KCNH8: variants seen among roughly 807,000 people sequenced by gnomAD.
KCNH8 encodes voltage-gated delayed rectifier potassium channel KCNH8.
KCNH8 carries 70 observed loss-of-function variants against 103.6 expected under a neutral mutation model. The observed-to-expected ratio is 0.68, with a 90% confidence interval of 0.56 to 0.82. KCNH8 has a LOEUF of 0.82. KCNH8 is among the 40% of genes least tolerant of loss of function. KCNH8 has a pLI of 0.00. For synonymous variants in KCNH8, 498 were observed against 489.4 expected, an observed-to-expected ratio of 1.02 and a Z score of -0.23; for missense variants, 1,217 against 1,329.9, an observed-to-expected ratio of 0.92 and a Z score of 1.32.
chr3:19,313,425 G>A lies in KCNH8; in HGVS notation c.443-29162G>A, dbSNP rs188811012. On this transcript the variant is annotated intron_variant, in intron 3 of 15. Transcript: ENST00000328405. Reference sequence around the variant, plus strand: ...TTCCAGCTACAGTATAAAATAATTGGAATATAACATTTCTAAGGCTTATTT... The same window carrying A: ...TTCCAGCTACAGTATAAAATAATTGAAATATAACATTTCTAAGGCTTATTT... 2.4e-3 allele frequency among the ~76,000 whole-genome samples: 360 copies of A among 151,854 alleles called. 5 individuals carry two copies. Among genetic ancestry groups the A allele is most frequent in the African/African-American group, 8.2e-3 (339 of 41,446 alleles).
chr3:19,337,946 T>G, intron 3 of KCNH8, among the ~76,000 whole-genome samples: 2 of 146,038 alleles, frequency 1.4e-5, no homozygotes, highest in African/African-American at 2.5e-5. Context: ...AAGAAGAGGG[T>G]GAGGGAGACA....
Position 19,395,292 on chromosome 3 carries a change from C to A in KCNH8, c.1158C>A (p.Ser386Arg), listed in dbSNP as rs746247633. 17 of 1,609,788 alleles carry A rather than the reference C, an allele frequency of 1.1e-5. No homozygotes were observed. Among genetic ancestry groups the A allele is most frequent in the Non-Finnish European group, 1.4e-5 (16 of 1,177,872 alleles). ...GAAAAATGGAGAGGGAAGACAACAGCCTTCTGAAGTGGGAAGTTGGTAAGG... is the reference window on the plus strand; with the variant it reads ...GAAAAATGGAGAGGGAAGACAACAGACTTCTGAAGTGGGAAGTTGGTAAGG... ...VIGKMEREDN[S>R]LLKWEVGWLH... Residue 386 changes from serine (S) to arginine (R), a missense_variant, in exon 7 of 16, where the codon AGC (serine) becomes AGA (arginine). Physicochemically the swap from Ser to Arg is moderately radical, Grantham distance 110 (BLOSUM62 -1). Coordinates refer to ENST00000328405, the MANE Select transcript of KCNH8 (RefSeq NM_144633.3).
Position 19,438,255 on chromosome 3 carries a change from C to T in KCNH8, c.1269C>T (p.Ala423=), listed in dbSNP as rs200024772. ...CGTCGATCCGAAGTGCCTATATTGCCGCTCTGTACTTCACGCTGAGCAGCC... is the reference window on the plus strand; with the variant it reads ...CGTCGATCCGAAGTGCCTATATTGCTGCTCTGTACTTCACGCTGAGCAGCC... The part of the protein sequence containing the change: ...GGPSIRSAYI[A]ALYFTLSSLT... The change falls in exon 8 of 16, where the codon GCC becomes GCT. Residue 423 remains alanine (A), a synonymous_variant. Coordinates refer to ENST00000328405, the MANE Select transcript of KCNH8 (RefSeq NM_144633.3). 1.9e-5 allele frequency: 31 copies of T among 1,613,960 alleles called. No individual in the cohort carries two copies. The highest frequency in any genetic ancestry group is 3.3e-5 in the Admixed American group (2 of 59,982).
At chr3:19,391,347 G>GT (rs1559304801) in intron 6 of KCNH8, among the ~76,000 whole-genome samples, 1 of 152,012 alleles carries the variant, frequency 6.6e-6, no homozygotes, top group African/African-American at 2.4e-5. Context: ...ATTCTTAAAA[G>GT]TATTAAATGC....
At chr3:19,218,248 T>G (rs2063836801) in intron 1 of KCNH8, among the ~76,000 whole-genome samples, 2 of 152,232 alleles carry the variant, frequency 1.3e-5, no homozygotes, top group Non-Finnish European at 2.9e-5. Context: ...TTAAAGTTTT[T>G]CAACTAGTTT....
intron 1 of KCNH8, among the ~76,000 whole-genome samples, chr3:19,162,930 G>A (rs889493369): frequency 2.0e-5 from 3 of 151,984 alleles, no homozygotes; most frequent in Non-Finnish European, 2.9e-5. Context: ...AAAATATCCT[G>A]TATATAGCAA....
At chr3:19,192,707 TAAAC>T (rs1327521363) in intron 1 of KCNH8, among the ~76,000 whole-genome samples, 4 of 151,690 alleles carry the variant, frequency 2.6e-5, no homozygotes, top group African/African-American at 4.8e-5. Context: ...TGTCTCTAGT[TAAAC>T]AAATGGTATT....
chr3:19,465,652 G>A (rs2067720225), intron 11 of KCNH8, among the ~76,000 whole-genome samples: 1 of 151,546 alleles, frequency 6.6e-6, no homozygotes, highest in South Asian at 2.1e-4. Flanking sequence ...GATGAATTAA[G>A]TTGAAAACAC....
chr3:19,305,482 A>G (rs561718656), intron 3 of KCNH8, among the ~76,000 whole-genome samples: 1 of 152,260 alleles, frequency 6.6e-6, no homozygotes, highest in South Asian at 2.1e-4. Flanking sequence ...GCTCAGGGTG[A>G]GAGCTACGAA....
intron 1 of KCNH8, among the ~76,000 whole-genome samples, chr3:19,242,949 CCA>C (rs1302684381): frequency 6.6e-6 from 1 of 152,194 alleles, no homozygotes; most frequent in Non-Finnish European, 1.5e-5. Context: ...TAGCCATCCT[CCA>C]CTGAACTCAG....
intron 11 of KCNH8, among the ~76,000 whole-genome samples, chr3:19,458,734 G>A (rs1343318086): frequency 4.6e-5 from 7 of 151,836 alleles, no homozygotes; most frequent in East Asian, 1.9e-4. Flanking sequence ...TTTAAGCAAC[G>A]TCTTTCTAAT....
intron 1 of KCNH8, among the ~76,000 whole-genome samples, chr3:19,199,944 T>G (rs1397494382): frequency 6.6e-6 from 1 of 152,120 alleles, no homozygotes; most frequent in Non-Finnish European, 1.5e-5. Context: ...TAGTAGGATT[T>G]CTTTTTAAAC....
intron 3 of KCNH8, among the ~76,000 whole-genome samples, chr3:19,337,788 T>C (rs1446813247): frequency 6.6e-6 from 1 of 152,084 alleles, no homozygotes; most frequent in African/African-American, 2.4e-5. Context: ...ACTTCTGTTG[T>C]CTCTTTCTAA....
intron 11 of KCNH8, among the ~76,000 whole-genome samples, chr3:19,497,132 C>G (rs1403625995): frequency 6.6e-6 from 1 of 151,988 alleles, no homozygotes; most frequent in African/African-American, 2.4e-5. Context: ...TTATTTGGCT[C>G]TTCTCTCTTC....
intron 7 of KCNH8, among the ~76,000 whole-genome samples, chr3:19,397,908 T>C (rs1288962699): frequency 6.6e-6 from 1 of 151,938 alleles, no homozygotes; most frequent in African/African-American, 2.4e-5. Flanking sequence ...TGACCTTCCC[T>C]ACCTAACTTT....
chr3:19,527,214 G>C (rs1242532285), intron 15 of KCNH8, among the ~76,000 whole-genome samples: 2 of 151,986 alleles, frequency 1.3e-5, no homozygotes, highest in African/African-American at 4.8e-5. Flanking sequence ...CTAAAAATTC[G>C]AGACTTTTTC....
At chr3:19,282,765 A>G (rs547985863) in intron 3 of KCNH8, among the ~76,000 whole-genome samples, 2 of 152,268 alleles carry the variant, frequency 1.3e-5, no homozygotes, top group African/African-American at 4.8e-5. Flanking sequence ...GCGGTGAAGT[A>G]TACCTTTTCA....
intron 1 of KCNH8, among the ~76,000 whole-genome samples, chr3:19,152,124 C>T (rs1246934528): frequency 3.3e-5 from 5 of 152,016 alleles, no homozygotes; most frequent in African/African-American, 7.2e-5. Context: ...TTATGGCCTG[C>T]AACTAGTTCA....
chr3:19,262,063 T>TC (rs1226967129), intron 2 of KCNH8, among the ~76,000 whole-genome samples: 17 of 151,952 alleles, frequency 1.1e-4, no homozygotes, highest in African/African-American at 3.9e-4. Flanking sequence ...CCTTTTTTTT[T>TC]CTTTAGTCAG....
Sources: gnomAD v4.1 joint callset for allele counts (sites outside exome capture counted in the v4.1 genomes callset) on GRCh38, gnomAD v4.1.1 for gene constraint, MANE v1.5 for transcripts, NCBI Gene and HGNC (gene_info 2026-07-23, HGNC 2026-07-21) for gene names.